The following C8B variants were observed in gnomAD, a reference collection of about 807,000 sequenced individuals.
C8B encodes the protein complement component C8 beta chain.
In C8B, 67 loss-of-function variants were observed where a neutral mutation model predicts 64.6. The observed-to-expected ratio is 1.04, with a 90% CI of 0.85 to 1.27. The LOEUF (loss-of-function observed/expected upper bound fraction) is 1.27, where lower values mean the gene tolerates loss of function less well. C8B is among the 50% of genes most tolerant of loss of function. The pLI, the probability that C8B is intolerant of heterozygous loss-of-function variation, is 0.00. For synonymous variants in C8B, 284 were observed against 257.7 expected (o/e 1.10, Z -0.98); for missense variants, 790 against 725.2 (o/e 1.09, Z -1.03).
chr1:56,945,251 T>C (rs562117035), intron 7 of C8B, among the ~76,000 whole-genome samples: 1 of 152,112 alleles, frequency 6.6e-6, no homozygotes, highest in East Asian at 1.9e-4. Context: ...ATAGGAAAAA[T>C]AGAAAATATA....
chr1:56,930,858 A>G (rs1400072240), intron 11 of C8B, among the ~76,000 whole-genome samples: 1 of 152,242 alleles, frequency 6.6e-6, no homozygotes, highest in Middle Eastern at 3.2e-3. Context: ...TGTGTAAGGT[A>G]TCATTCCAAA....
chr1:56,939,587 G>A (rs929286470), intron 9 of C8B, among the ~76,000 whole-genome samples: 3 of 152,144 alleles, frequency 2.0e-5, no homozygotes, highest in African/African-American at 7.2e-5. Flanking sequence ...CGTGCTATGG[G>A]CCCTGTGCAG....
chr1:56,959,502 T>C, intron 2 of C8B: 2 of 1,316,556 alleles, frequency 1.5e-6, no homozygotes, highest in South Asian at 2.5e-5. Flanking sequence ...TGTTCACCAG[T>C]GAAGGAAGTG....
intron 1 of C8B, among the ~76,000 whole-genome samples, chr1:56,964,439 C>T (rs540717300): frequency 1.7e-4 from 26 of 152,308 alleles, no homozygotes; most frequent in Non-Finnish European, 3.4e-4. Context: ...GACCTGTGTT[C>T]AAGGCCCACT....
At chr1:56,965,806 A>C in intron 1 of C8B, 51 bp downstream of exon 1, 1 of 1,596,682 alleles carries the variant, frequency 6.3e-7, no homozygotes, top group Non-Finnish European at 8.6e-7. Flanking sequence ...ATGTGGCTGC[A>C]CCTTCCCTGT....
intron 7 of C8B, 117 bp downstream of exon 7, chr1:56,945,704 G>C (rs761942223): frequency 6.4e-5 from 82 of 1,275,012 alleles, no homozygotes; most frequent in Middle Eastern, 2.6e-4. Flanking sequence ...AAGAGGAAGA[G>C]GAATCTGCAA....
chr1:56,934,816 A>G (rs1425169299), intron 9 of C8B, among the ~76,000 whole-genome samples: 1 of 152,156 alleles, frequency 6.6e-6, no homozygotes, highest in Non-Finnish European at 1.5e-5. Context: ...GGAGAGAGAA[A>G]GAGGGGAGCT....
At chr1:56,943,860 A>T in intron 7 of C8B, 36 bp from the exon 8 acceptor site, 2 of 1,612,034 alleles carry the variant, frequency 1.2e-6, no homozygotes, top group Non-Finnish European at 1.7e-6. Context: ...ATGACGTAAA[A>T]GGTAGTTCAC....
At chr1:56,945,738 G>A in intron 7 of C8B, 83 bp downstream of exon 7, 1 of 1,552,720 alleles carries the variant, frequency 6.4e-7, no homozygotes, top group Non-Finnish European at 8.9e-7. Flanking sequence ...GGTGTAGCCA[G>A]GAAGGTAGAA....
chr1:56,965,811 C>G, intron 1 of C8B, 46 bp downstream of exon 1: 2 of 1,604,812 alleles, frequency 1.2e-6, no homozygotes, highest in Non-Finnish European at 1.7e-6. Context: ...GCTGCACCTT[C>G]CCTGTCATAT....
Position 56,940,834 on chromosome 1 carries a change from A to G in C8B, c.1398+15T>C. ...TCTGGGTGGAGGAAAGGATGGGTAG[A>G]GCAGCGTTGTGTACCTTAACTTTGA... On this transcript the variant is annotated intron_variant, in intron 9 of 11. Transcript: ENST00000371237. The G allele has an allele frequency of 6.2e-7, 1 of 1,613,974 alleles. No homozygotes were observed. Among genetic ancestry groups the G allele is most frequent in the Non-Finnish European group, 8.5e-7 (1 of 1,179,958 alleles).
rs752783592 is a variant in C8B, at chr1:56,929,413, G to C, written c.1767C>G (p.Asp589Glu). The change falls in exon 12 of 12, where the codon GAC becomes GAG. Residue 589 changes from aspartate to glutamate, a missense_variant. Physicochemically the swap from Asp to Glu is conservative, Grantham distance 45 (BLOSUM62 2). Coordinates refer to ENST00000371237, the MANE Select transcript of C8B (RefSeq NM_000066.4). ...PCSGPASETL[D>E]CS ...ACTGCTGTATCATCTGCTAGGAGCA[G>C]TCAAGTGTTTCTGAAGCAGGGCCTG... 133 of 1,612,078 alleles carry C rather than the reference G, an allele frequency of 8.3e-5. No individual in the cohort carries two copies. Among genetic ancestry groups the C allele is most frequent in the Non-Finnish European group, 1.1e-4 (124 of 1,179,912 alleles).
rs1182931832 is a variant in C8B, at chr1:56,962,028, T to A, written c.93-1852A>T. 2.0e-5 allele frequency among the ~76,000 whole-genome samples: 3 copies of A among 152,206 alleles called. No homozygotes were observed. In the East Asian group the frequency reaches 5.8e-4, roughly 29 times the overall value. On this transcript the variant is annotated intron_variant, in intron 1 of 11. Transcript: ENST00000371237. ...TATTTGACAGCTCTGCAGGGTACCC[T>A]CTTCCTATTTCAACTACAAAACTGT...
In C8B at chr1:56,943,794, G is replaced by T. The variant is rs769899065; in HGVS notation, c.1136C>A (p.Ala379Asp). 2 of 1,614,026 alleles carry T rather than the reference G, an allele frequency of 1.2e-6. No homozygotes were observed. Residue 379 changes from alanine (A) to aspartate (D), a missense_variant, in exon 8 of 12, where the codon GCC (alanine) becomes GAC (aspartate). Transcript: ENST00000371237. The stretch of plus-strand genomic sequence containing the variant: ...ACCACCAATTTTAAAATCATTTTTG[G>T]CACAGGCATGGACGTTGTTAAGAGT... ...DYTLNNVHAC[A>D]KNDFKIGGAI...
Position 56,929,312 on chromosome 1 carries a change from A to C in C8B, c.*92T>G, listed in dbSNP as rs1644660088. 2.9e-6 allele frequency: 4 copies of C among 1,372,464 alleles called. No individual in the cohort carries two copies. Among genetic ancestry groups the C allele is most frequent in the Non-Finnish European group, 4.2e-6 (4 of 961,938 alleles). 85.0% of individuals were successfully genotyped at this position (1,372,464 alleles called of 1,614,324 possible). On this transcript the variant is annotated 3_prime_UTR_variant, in exon 12 of 12. Coordinates refer to ENST00000371237, the MANE Select transcript of C8B (RefSeq NM_000066.4). ...GGCACTGCCTTTTGCCCTTGCATGA[A>C]CTCCAGGTGGAAACTGGTGTAGGGC...
At chr1:56,932,500 G>A (rs1257441647) in intron 10 of C8B, among the ~76,000 whole-genome samples, 1 of 152,054 alleles carries the variant, frequency 6.6e-6, no homozygotes, top group East Asian at 1.9e-4. Flanking sequence ...TTCGTACAAG[G>A]CAAGGGAGAG....
rs112774213 is a variant in C8B, at chr1:56,954,663, G to A, written c.533+23C>T. The stretch of plus-strand genomic sequence containing the variant: ...TTTAATGCTGTGCCTTCCCATCTAC[G>A]CCACAGAAAAATGGTCACTTACCCA... On this transcript the variant is annotated intron_variant, in intron 4 of 11. Transcript: ENST00000371237. 4,169 of 1,613,806 alleles carry A rather than the reference G, an allele frequency of 2.6e-3. 89 individuals are homozygous for A. In the South Asian group the frequency reaches 0.034, roughly 13 times the overall value.
chr1:56,935,117 A>G (rs1644757671), intron 9 of C8B, among the ~76,000 whole-genome samples: 1 of 152,190 alleles, frequency 6.6e-6, no homozygotes. Flanking sequence ...CATATATGGT[A>G]TTACCAGAAT....
intron 2 of C8B, chr1:56,959,440 AG>A: frequency 1.3e-6 from 1 of 794,768 alleles, no homozygotes; most frequent in Non-Finnish European, 2.1e-6. Flanking sequence ...GGAGTCAAAA[AG>A]CTTTCTCAAA....
Sources: allele counts gnomAD v4.1 joint callset (sites outside exome capture counted in the v4.1 genomes callset), GRCh38; gene constraint gnomAD v4.1.1; transcripts MANE v1.5; gene names NCBI Gene and HGNC (gene_info 2026-07-23, HGNC 2026-07-21).